The following SPATA16 variants were observed in gnomAD, a reference collection of about 807,000 sequenced individuals.
The protein encoded by SPATA16 is spermatogenesis associated 16.
SPATA16 carries 36 observed loss-of-function variants against 63.3 expected under a neutral mutation model. That is an observed-to-expected ratio of 0.57 (90% CI 0.44 to 0.75). SPATA16 has a LOEUF of 0.75. Among genes scored for constraint, SPATA16 ranks in the 30% least tolerant of loss-of-function variants. The pLI, the probability that SPATA16 is intolerant of heterozygous loss-of-function variation, is 0.00. For synonymous variants in SPATA16, 203 were observed against 216.7 expected, an observed-to-expected ratio of 0.94 and a Z score of 0.56; for missense variants, 646 against 679.3, an observed-to-expected ratio of 0.95 and a Z score of 0.54.
At chr3:172,970,655 C>T (rs961277571) in intron 5 of SPATA16, among the ~76,000 whole-genome samples, 2 of 152,178 alleles carry the variant, frequency 1.3e-5, no homozygotes, top group Non-Finnish European at 2.9e-5. Context: ...AATTTAGAAA[C>T]TCTCTGCCTG....
chr3:173,036,342 C>T (rs1032072662), intron 3 of SPATA16, among the ~76,000 whole-genome samples: 6 of 151,948 alleles, frequency 3.9e-5, no homozygotes, highest in South Asian at 2.1e-4. Context: ...TCTGTCACTG[C>T]GAGCTTGACA....
chr3:172,947,419 A>T (rs1733318315), intron 6 of SPATA16, among the ~76,000 whole-genome samples: 1 of 152,118 alleles, frequency 6.6e-6, no homozygotes, highest in Admixed American at 6.5e-5. Context: ...GATTTCCTTT[A>T]CGTAATGTAT....
chr3:172,936,582 G>A (rs987218757), intron 6 of SPATA16, among the ~76,000 whole-genome samples: 5 of 152,168 alleles, frequency 3.3e-5, no homozygotes, highest in African/African-American at 7.2e-5. Context: ...GGTAAGTCCC[G>A]AGTTTTGTGA....
intron 6 of SPATA16, among the ~76,000 whole-genome samples, chr3:172,936,874 A>C (rs1577096365): frequency 6.6e-6 from 1 of 151,550 alleles, no homozygotes; most frequent in South Asian, 2.1e-4. Flanking sequence ...TGGCCAGCTA[A>C]TTTTTTTTGT....
At chr3:173,040,294 C>A (rs931277398) in intron 3 of SPATA16, among the ~76,000 whole-genome samples, 4 of 151,932 alleles carry the variant, frequency 2.6e-5, no homozygotes, top group Non-Finnish European at 4.4e-5. Context: ...TTGCTTTAAT[C>A]TTCATTATCA....
At chr3:173,140,150 C>G (rs1233677729) in intron 1 of SPATA16, among the ~76,000 whole-genome samples, 2 of 152,138 alleles carry the variant, frequency 1.3e-5, no homozygotes, top group Admixed American at 6.5e-5. Flanking sequence ...TTTCACTGCT[C>G]AGAGGATGAA....
At chr3:172,916,558 T>A in intron 8 of SPATA16, 77 bp from the exon 9 acceptor site, 1 of 1,456,578 alleles carries the variant, frequency 6.9e-7, no homozygotes, top group Admixed American at 1.7e-5. Flanking sequence ...AAGTCAGGGC[T>A]TGTGATAACG....
rs541325232 is a variant in SPATA16 at position 172,986,184 on chromosome 3, G to A, written c.849-9132C>T. ...GGAATGAAGAAGATTGTCTTACCAT[G>A]TTCATAGCTAAGTGCTCAGTAAATA... is the stretch of plus-strand genomic sequence containing the variant. On this transcript the variant is annotated intron_variant, in intron 4 of 10. Transcript: ENST00000351008. 2.5e-3 allele frequency among the ~76,000 whole-genome samples: 374 copies of A among 152,270 alleles called. 2 individuals carry two copies. Among genetic ancestry groups the A allele is most frequent in the Non-Finnish European group, 3.8e-3 (260 of 68,030 alleles).
At chr3:173,082,947 C>T (rs1349270573) in intron 2 of SPATA16, among the ~76,000 whole-genome samples, 1 of 152,104 alleles carries the variant, frequency 6.6e-6, no homozygotes, top group Admixed American at 6.6e-5. Context: ...TTTGTATCAC[C>T]AGTCCCAGCA....
At chr3:173,115,666 AT>A (rs1472043210) in intron 2 of SPATA16, among the ~76,000 whole-genome samples, 8 of 152,174 alleles carry the variant, frequency 5.3e-5, no homozygotes, top group African/African-American at 1.7e-4. Context: ...ATTACTTCAT[AT>A]CTACTCAGGT....
intron 3 of SPATA16, among the ~76,000 whole-genome samples, chr3:173,038,286 C>G (rs1465936352): frequency 6.6e-6 from 1 of 151,820 alleles, no homozygotes; most frequent in Non-Finnish European, 1.5e-5. Flanking sequence ...GCCAAGTGTC[C>G]CAGAAAAGAC....
chr3:173,079,315 G>C (rs1736875929), intron 2 of SPATA16, among the ~76,000 whole-genome samples: 1 of 152,004 alleles, frequency 6.6e-6, no homozygotes, highest in African/African-American at 2.4e-5. Flanking sequence ...ACAATGTTAT[G>C]GTGAACATAA....
intron 10 of SPATA16, among the ~76,000 whole-genome samples, chr3:172,913,059 C>CT (rs747791130): frequency 5.0e-4 from 76 of 152,288 alleles, no homozygotes; most frequent in Admixed American, 1.8e-3. Flanking sequence ...GAACTTAATA[C>CT]TTTGAGTTTG....
In SPATA16 at chr3:172,956,771, T is replaced by A. The variant is rs1282929562; in HGVS notation, c.987A>T (p.Thr329=). The A allele has an allele frequency of 6.2e-7, 1 of 1,613,454 alleles. No homozygotes were observed. Among genetic ancestry groups the A allele is most frequent in the Admixed American group, 1.7e-5 (1 of 59,970 alleles). The change falls in exon 6 of 11, where the codon ACA becomes ACT. Residue 329 remains threonine, a synonymous_variant. Transcript: ENST00000351008. ...TRAESFSVMY[T]PFATKIRADK... ...CAGCTCTTATTTTTGTCGCAAATGGTGTGTACATAACCGAGAAAGATTCAG... is the reference window on the plus strand; with the variant it reads ...CAGCTCTTATTTTTGTCGCAAATGGAGTGTACATAACCGAGAAAGATTCAG...
chr3:172,899,303 C>T lies in SPATA16; in HGVS notation c.1588-9611G>A, dbSNP rs542319672. Reference sequence around the variant, plus strand: ...ATCAGTTTTTGCTTCATATATTTTGCAGACCCTCTTGTTTGTGCATACACT... The same window carrying T: ...ATCAGTTTTTGCTTCATATATTTTGTAGACCCTCTTGTTTGTGCATACACT... On this transcript the variant is annotated intron_variant, in intron 10 of 10. Transcript: ENST00000351008. Among the ~76,000 whole-genome samples the T allele has an allele frequency of 2.6e-5, 4 of 152,070 alleles. No individual in the cohort carries two copies. In the East Asian group the frequency reaches 5.8e-4, roughly 22 times the overall value.
chr3:173,105,502 T>C (rs73880445), intron 2 of SPATA16, among the ~76,000 whole-genome samples: 4,075 of 152,304 alleles, frequency 0.027, 195 homozygotes, highest in African/African-American at 0.093. Flanking sequence ...TTTCTTAGTC[T>C]CAGAGATAGT....
intron 3 of SPATA16, among the ~76,000 whole-genome samples, chr3:173,025,826 CAATTTGTTTATTCATTCA>C (rs1735438475): frequency 6.6e-6 from 1 of 151,980 alleles, no homozygotes; most frequent in Non-Finnish European, 1.5e-5. Flanking sequence ...GCAGTTTCCA[CAATTTGTTTATTCATTCA>C]CCAACTGATG....
At chr3:173,081,059 TG>T (rs1486288555) in intron 2 of SPATA16, among the ~76,000 whole-genome samples, 1 of 152,176 alleles carries the variant, frequency 6.6e-6, no homozygotes. Flanking sequence ...TGTCTCTCCC[TG>T]GGCATTGTTT....
intron 6 of SPATA16, among the ~76,000 whole-genome samples, chr3:172,949,284 G>A (rs931318092): frequency 6.6e-6 from 1 of 151,848 alleles, no homozygotes; most frequent in African/African-American, 2.4e-5. Flanking sequence ...GTTGTAAAAT[G>A]CAGTGATTAT....
Sources: allele counts gnomAD v4.1 joint callset (sites outside exome capture counted in the v4.1 genomes callset), GRCh38; gene constraint gnomAD v4.1.1; transcripts MANE v1.5; gene names NCBI Gene and HGNC (gene_info 2026-07-23, HGNC 2026-07-21).